Variants in SHANK2 observed in about 807,000 individuals in gnomAD.
The protein encoded by SHANK2 is SH3 and multiple ankyrin repeat domains 2, also known as SH3 and multiple ankyrin repeat domains protein 2.
In SHANK2, 43 loss-of-function variants were observed where a neutral mutation model predicts 133.7. That is an observed-to-expected ratio of 0.32 (90% confidence interval 0.25 to 0.41). The LOEUF is 0.41. SHANK2 is among the 10% of genes least tolerant of loss of function. The pLI, the probability that SHANK2 is intolerant of heterozygous loss-of-function variation, is 1.00. For synonymous variants in SHANK2, 1,017 were observed against 952.8 expected, an observed-to-expected ratio of 1.07 and a Z score of -1.24; for missense variants, 1,994 against 2,235.8, an observed-to-expected ratio of 0.89 and a Z score of 2.18.
intron 8 of SHANK2, among the ~76,000 whole-genome samples, chr11:71,089,446 A>AGTGTGT (rs1262578229): frequency 1.3e-5 from 2 of 151,280 alleles, no homozygotes; most frequent in African/African-American, 4.9e-5. Context: ...CGTGCGTGCG[A>AGTGTGT]GTGTGTGTGT....
chr11:71,117,361 G>A (rs1951997483), intron 4 of SHANK2, among the ~76,000 whole-genome samples: 1 of 152,172 alleles, frequency 6.6e-6, no homozygotes, highest in Admixed American at 6.5e-5. Context: ...CTATCGCGAG[G>A]AATATGATGT....
intron 14 of SHANK2, among the ~76,000 whole-genome samples, chr11:70,727,259 A>C (rs556475365): frequency 6.6e-6 from 1 of 152,376 alleles, no homozygotes; most frequent in South Asian, 2.1e-4. Context: ...CGAATTTTAA[A>C]GTGCAAGGTA....
At chr11:70,560,542 T>C (rs199982179) in intron 17 of SHANK2, among the ~76,000 whole-genome samples, 2 of 72 alleles carry the variant, frequency 0.028, no homozygotes, top group African/African-American at 0.036. Flanking sequence ...GTAAAATTCA[T>C]GGGAAATGCA....
intron 14 of SHANK2, among the ~76,000 whole-genome samples, chr11:70,722,351 T>C (rs1281165748): frequency 6.6e-6 from 1 of 152,202 alleles, no homozygotes; most frequent in Admixed American, 6.5e-5. Context: ...TCTTGGTTCT[T>C]TTTACTCCTG....
At chr11:70,837,975 C>CAAAAAAAAAAAAAAAAAAA (rs55862093) in intron 11 of SHANK2, among the ~76,000 whole-genome samples, 1 of 25,178 alleles carries the variant, frequency 4.0e-5, no homozygotes, top group Non-Finnish European at 8.1e-5. Context: ...CATTCTGTCT[C>CAAAAAAAAAAAAAAAAAAA]AAAAAAAAAA....
intron 2 of SHANK2, among the ~76,000 whole-genome samples, chr11:71,201,861 AC>A (rs1954026952): frequency 6.6e-6 from 1 of 152,124 alleles, no homozygotes; most frequent in African/African-American, 2.4e-5. Flanking sequence ...AGTCGCCCTG[AC>A]CCGAGGAACA....
In SHANK2 at chr11:70,490,300, T is replaced by A. The variant is rs1344861915; in HGVS notation, c.2527A>T (p.Thr843Ser). 6.2e-7 allele frequency: 1 copy of A among 1,614,056 alleles called. No individual in the cohort carries two copies. The highest frequency in any genetic ancestry group is 8.5e-7 in the Non-Finnish European group (1 of 1,180,000). ...CCTATTGATTTCTGCCTTCGCATCGTACCTCGAGGGATGCCCAGAAACGGG... is the reference window on the plus strand; with the variant it reads ...CCTATTGATTTCTGCCTTCGCATCGAACCTCGAGGGATGCCCAGAAACGGG... ...KAPFLGIPRG[T>S]MRRQKSIDSR... Residue 843 changes from threonine to serine, a missense_variant, in exon 23 of 26, where the codon ACG becomes TCG. Physicochemically the swap from Thr to Ser is moderately conservative, Grantham distance 58. Around this residue, in one of 5 missense-constraint regions of SHANK2, gnomAD observed 488 missense variants for 642.6 expected, o/e 0.76. Transcript: ENST00000601538.
At chr11:70,840,339 G>T (rs1555061287) in intron 11 of SHANK2, among the ~76,000 whole-genome samples, 1 of 152,238 alleles carries the variant, frequency 6.6e-6, no homozygotes, top group Admixed American at 6.5e-5. Context: ...AGACCCACCT[G>T]CGTGTTCTGG....
At chr11:71,163,003 G>A (rs1953050780) in intron 2 of SHANK2, among the ~76,000 whole-genome samples, 1 of 149,912 alleles carries the variant, frequency 6.7e-6, no homozygotes, top group South Asian at 2.2e-4. Context: ...AACCTGGGAG[G>A]TGGAGCTTGC....
rs376417655 is a variant in SHANK2 at position 70,765,061 on chromosome 11, A to G, written c.1777+33382T>C. Among the ~76,000 whole-genome samples, 29 of 152,316 alleles carry G rather than the reference A, an allele frequency of 1.9e-4. 1 individual carries two copies. In the East Asian group the frequency reaches 2.1e-3, roughly 11 times the overall value. On this transcript the variant is annotated intron_variant, in intron 14 of 25. Transcript: ENST00000601538. ...TACACCAGTTCTGTTTTGATCGGGGAGAGAAGTGTCAGGGCAGGAAGTGGG... is the reference window on the plus strand; with the variant it reads ...TACACCAGTTCTGTTTTGATCGGGGGGAGAAGTGTCAGGGCAGGAAGTGGG...
chr11:70,560,892 G>A (rs2059901595), intron 17 of SHANK2, among the ~76,000 whole-genome samples: 1 of 152,112 alleles, frequency 6.6e-6, no homozygotes, highest in African/African-American at 2.4e-5. Context: ...CTCCCAAAGT[G>A]CCGGGATTAC....
chr11:70,836,774 GA>G (rs1223924121), intron 11 of SHANK2, among the ~76,000 whole-genome samples: 1 of 152,232 alleles, frequency 6.6e-6, no homozygotes, highest in Non-Finnish European at 1.5e-5. Context: ...GAGACCATCT[GA>G]GGCTGACTAC....
rs1161489598 is a variant in SHANK2, at chr11:70,938,717, TGAG to T, written c.1108-42153_1108-42151del. On this transcript the variant is annotated intron_variant, in intron 10 of 25. Transcript: ENST00000601538. ...GACAGGGAGAGGGAAGCCCAGGAGC[TGAG>T]GAGGAGGAGGAGAGTTCCAGGCAGA... is the stretch of plus-strand genomic sequence containing the variant. Among the ~76,000 whole-genome samples, 8 of 151,668 alleles carry T rather than the reference TGAG, an allele frequency of 5.3e-5. No individual in the cohort carries two copies. The South Asian group carries it at 1.0e-3, about 20-fold the overall frequency.
chr11:71,094,541 A>T lies in SHANK2; in HGVS notation c.740T>A (p.Leu247Gln). The change falls in exon 7 of 26, where the codon CTG becomes CAG. Residue 247 changes from leucine (L) to glutamine (Q), a missense_variant. Transcript: ENST00000601538. ...GTAAGATGGGCCCGAGTTTACCTTC[A>T]GGGCAACTTGGTTCCTCGCTCGGGC... ...KAARARNQVA[L>Q]KTLLELGASP... 6.5e-7 allele frequency: 1 copy of T among 1,549,992 alleles called. No homozygotes were observed. Among genetic ancestry groups the T allele is most frequent in the Non-Finnish European group, 8.7e-7 (1 of 1,145,712 alleles).
At chr11:71,157,310 G>T (rs201355844) in intron 2 of SHANK2, among the ~76,000 whole-genome samples, 2 of 152,268 alleles carry the variant, frequency 1.3e-5, no homozygotes, top group East Asian at 1.9e-4. Flanking sequence ...AAAATGATAC[G>T]TCACTTAAGA....
At chr11:71,136,589 T>C (rs1311042103) in intron 3 of SHANK2, among the ~76,000 whole-genome samples, 1 of 152,238 alleles carries the variant, frequency 6.6e-6, no homozygotes, top group Non-Finnish European at 1.5e-5. Context: ...AACATTCCCA[T>C]GTAATAAAAC....
chr11:70,787,782 T>A (rs1947702689), intron 14 of SHANK2, among the ~76,000 whole-genome samples: 1 of 152,194 alleles, frequency 6.6e-6, no homozygotes, highest in Non-Finnish European at 1.5e-5. Flanking sequence ...TGGCTGACCC[T>A]GGGGATGCTC....
At chr11:70,863,165 G>A (rs1376440789) in intron 11 of SHANK2, 3 of 362,448 alleles carry the variant, frequency 8.3e-6, no homozygotes, top group Non-Finnish European at 1.6e-5. Context: ...ATAATTTGTA[G>A]GCCAGACAGC....
Position 70,798,573 on chromosome 11 carries a change from G to C in SHANK2, c.1664-17C>G, listed in dbSNP as rs886084233. On this transcript the variant is annotated splice_polypyrimidine_tract_variant and intron_variant, in intron 13 of 25. Transcript: ENST00000601538. ...TGCTCAGAACTAGAGACGACAAAAA[G>C]GGAGAGGTGTTAGCAGGGGGGACGT... 1.4e-6 allele frequency: 1 copy of C among 718,438 alleles called. No individual in the cohort carries two copies. The highest frequency in any genetic ancestry group is 1.7e-5 in the African/African-American group (1 of 57,264). 44.5% of individuals were successfully genotyped at this position (718,438 alleles called of 1,614,324 possible). A position where few individuals can be genotyped will look rare whatever the true frequency, so the allele number is the denominator to read the frequency against.
Sources: gnomAD v4.1 joint callset for allele counts (sites outside exome capture counted in the v4.1 genomes callset) on GRCh38, gnomAD v4.1.1 for gene constraint, gnomAD v4.1.1 regional missense constraint, MANE v1.5 for transcripts, NCBI Gene and HGNC (gene_info 2026-07-23, HGNC 2026-07-21) for gene names.